The following GP6 variants were observed in gnomAD, a reference collection of about 807,000 sequenced individuals.
GP6 encodes the protein platelet glycoprotein VI.
GP6 carries 45 observed loss-of-function variants against 37.3 expected under a neutral mutation model. That is an observed-to-expected ratio of 1.21 (90% CI 0.95 to 1.55). The LOEUF (loss-of-function observed/expected upper bound fraction) is 1.55. Among genes scored for constraint, GP6 ranks in the 40% most tolerant of loss-of-function variants. The pLI is 0.00. For missense variants in GP6, 813 were observed against 760.2 expected (o/e 1.07, Z -0.82); for synonymous variants, 340 against 316.4 (o/e 1.07, Z -0.79).
intron 1 of GP6, chr19:55,032,932 A>ACGGTGGACTCGTTCGTGTTAGACG: frequency 1.2e-4 from 16 of 136,654 alleles, no homozygotes; most frequent in South Asian, 4.8e-4. Flanking sequence ...CGTGTTAGAC[A>ACGGTGGACTCGTTCGTGTTAGACG]CGGTGGGCTC....
At chr19:55,033,908 G>A (rs2074709585) in intron 1 of GP6, among the ~76,000 whole-genome samples, 1 of 152,046 alleles carries the variant, frequency 6.6e-6, no homozygotes, top group Non-Finnish European at 1.5e-5. Flanking sequence ...ATGATTACAT[G>A]ATAGGATATA....
chr19:55,024,820 G>A (rs187060267), intron 5 of GP6, among the ~76,000 whole-genome samples: 11 of 152,266 alleles, frequency 7.2e-5, no homozygotes, highest in South Asian at 2.1e-4. Flanking sequence ...GGAAGTTTGA[G>A]AACCGCTGAT....
chr19:55,032,038 GCCT>G, intron 3 of GP6, 98 bp downstream of exon 3: 2 of 1,185,480 alleles, frequency 1.7e-6, no homozygotes, highest in South Asian at 2.5e-5. Flanking sequence ...CTAGGCCAGT[GCCT>G]CGTTTGCCTC....
intron 3 of GP6, among the ~76,000 whole-genome samples, chr19:55,030,961 G>A (rs925643507): frequency 2.6e-5 from 4 of 152,086 alleles, no homozygotes; most frequent in Admixed American, 6.6e-5. Flanking sequence ...CGATCCTCCT[G>A]CCTCAGCCTC....
At chr19:55,025,611 CAGG>C (rs1951704635) in intron 4 of GP6, among the ~76,000 whole-genome samples, 1 of 152,060 alleles carries the variant, frequency 6.6e-6, no homozygotes, top group South Asian at 2.1e-4. Context: ...GAGGCTGAGG[CAGG>C]AGAATCACTT....
In GP6 at chr19:55,032,216, G is replaced by T. The variant is rs1367359496; in HGVS notation, c.248C>A (p.Ala83Asp). The T allele has an allele frequency of 6.2e-7, 1 of 1,613,916 alleles. No individual in the cohort carries two copies. Among genetic ancestry groups the T allele is most frequent in the African/African-American group, 1.3e-5 (1 of 74,936 alleles). Residue 83 changes from alanine (A) to aspartate (D), a missense_variant, in exon 3 of 8, where the codon GCT becomes GAT. By Grantham distance (126) the Ala-to-Asp change is moderately radical (BLOSUM62 -2). Transcript: ENST00000310373. ...CTGGTAGGAGCAGCGGTAGCGTCCA[G>T]CCAGACTTCTCTTCATGGCCGGGAT...
At chr19:55,026,856 A>G (rs4465706) in intron 4 of GP6, among the ~76,000 whole-genome samples, 108,030 of 143,824 alleles carry the variant, frequency 0.75, 41,777 homozygotes, top group Middle Eastern at 0.84. Flanking sequence ...ACTGCACTCC[A>G]GCCTGGGTGA....
At chr19:55,033,406 G>A (rs575082027) in intron 1 of GP6, among the ~76,000 whole-genome samples, 1 of 147,190 alleles carries the variant, frequency 6.8e-6, no homozygotes, top group African/African-American at 2.5e-5. Context: ...TGTTAGACAC[G>A]GTGGGCTCGT....
At chr19:55,034,716 T>TACACACACACACACACACACACAC (rs796869786) in intron 1 of GP6, among the ~76,000 whole-genome samples, 1 of 148,042 alleles carries the variant, frequency 6.8e-6, no homozygotes, top group African/African-American at 2.5e-5. Flanking sequence ...CCCTCATTCT[T>TACACACACACACACACACACACAC]ACACACACAC....
At chr19:55,037,150 T>C (rs2074861001) in intron 1 of GP6, among the ~76,000 whole-genome samples, 1 of 152,148 alleles carries the variant, frequency 6.6e-6, no homozygotes, top group Admixed American at 6.6e-5. Flanking sequence ...GGAGATGCTG[T>C]CCCTTTAGTG....
rs75222116 is a variant in GP6 at position 55,016,208 on chromosome 19, A to G, written c.725-475T>C. 7.5e-3 allele frequency among the ~76,000 whole-genome samples: 1,139 copies of G among 151,934 alleles called. 12 individuals are homozygous for G. The highest frequency in any genetic ancestry group is 0.027 in the African/African-American group (1,099 of 41,436). On this transcript the variant is annotated intron_variant, in intron 6 of 7. Coordinates refer to ENST00000310373, the MANE Select transcript of GP6 (RefSeq NM_001083899.2). ...GATTTGAACCCCAACTCTATCACCT[A>G]TTAGATGTCAGTTATCTGGCAAGTG...
chr19:55,023,516 C>A (rs527879319), intron 5 of GP6, among the ~76,000 whole-genome samples: 4 of 152,052 alleles, frequency 2.6e-5, no homozygotes, highest in Admixed American at 6.6e-5. Context: ...TCCCCCAGTC[C>A]CAACTCTCTC....
chr19:55,029,352 ATATATATATATATATATATATATTTTT>A (rs2074458158), intron 3 of GP6, among the ~76,000 whole-genome samples: 5 of 2,624 alleles, frequency 1.9e-3, no homozygotes, highest in South Asian at 0.021. Context: ...ATATATATAT[ATATATATATATATATATATATATTTTT>A]TTTTTTTTTT....
intron 1 of GP6, among the ~76,000 whole-genome samples, chr19:55,034,715 T>TCACACA (rs2074761113): frequency 4.0e-5 from 2 of 49,734 alleles, no homozygotes; most frequent in African/African-American, 1.9e-4. Flanking sequence ...ACCCTCATTC[T>TCACACA]TACACACACA....
intron 4 of GP6, 78 bp from the exon 5 acceptor site, chr19:55,025,349 T>C: frequency 1.1e-6 from 1 of 899,590 alleles, no homozygotes; most frequent in South Asian, 1.4e-5. Flanking sequence ...TCTCCGTGAC[T>C]GAGTTTCCTC....
chr19:55,028,843 C>A (rs990653501), intron 3 of GP6, among the ~76,000 whole-genome samples: 6 of 151,938 alleles, frequency 3.9e-5, no homozygotes, highest in African/African-American at 1.5e-4. Flanking sequence ...GTCAGAAAAA[C>A]AAAGGTTGAG....
At chr19:55,026,538 G>T (rs1001209065) in intron 4 of GP6, among the ~76,000 whole-genome samples, 2 of 152,134 alleles carry the variant, frequency 1.3e-5, no homozygotes, top group Non-Finnish European at 2.9e-5. Context: ...ATATTCCATT[G>T]CATGTATATA....
chr19:55,014,738 G>T lies in GP6; in HGVS notation c.1207C>A (p.Leu403Met), dbSNP rs1452724389. The change falls in exon 8 of 8, where the codon CTG (leucine) becomes ATG (methionine). Residue 403 changes from leucine to methionine, a missense_variant. Transcript: ENST00000310373. ...GAGGGTGCCCTCAGACAGAGAGGCAGACAGACAGACAGACACTGGCCGAAC... is the reference window on the plus strand; with the variant it reads ...GAGGGTGCCCTCAGACAGAGAGGCATACAGACAGACAGACACTGGCCGAAC... 1 of 1,611,218 alleles carries T rather than the reference G, an allele frequency of 6.2e-7. No homozygotes were observed. The highest frequency in any genetic ancestry group is 2.2e-5 in the East Asian group (1 of 44,802).
rs1414804202 is a variant in GP6 at position 55,015,701 on chromosome 19, C to A, written c.757G>T (p.Glu253Ter). The A allele has an allele frequency of 6.3e-7, 1 of 1,583,714 alleles. No individual in the cohort carries two copies. The highest frequency in any genetic ancestry group is 8.7e-7 in the Non-Finnish European group (1 of 1,152,216). The change falls in exon 7 of 8, where the codon GAG (glutamate) becomes TAG (stop). Residue 253 changes from glutamate to a stop codon, truncating the protein, a stop_gained. Coordinates refer to ENST00000310373, the MANE Select transcript of GP6 (RefSeq NM_001083899.2). LOFTEE classifies it low-confidence loss of function (END_TRUNC). ...TACTCACCAGCTGGAGAGTCTGACT[C>A]CTTTGGACTGGCGGTGATACTCCTA...
Sources: allele counts gnomAD v4.1 joint callset (sites outside exome capture counted in the v4.1 genomes callset), GRCh38; gene constraint gnomAD v4.1.1; transcripts MANE v1.5; gene names NCBI Gene and HGNC (gene_info 2026-07-23, HGNC 2026-07-21).